The following NAALADL2 variants were observed in gnomAD, a reference collection of about 807,000 sequenced individuals.
The protein encoded by NAALADL2 is inactive N-acetylated-alpha-linked acidic dipeptidase-like protein 2.
A neutral mutation model predicts 87.2 loss-of-function variants in NAALADL2; 76 were observed. The observed-to-expected ratio is 0.87, with a 90% CI of 0.72 to 1.05. NAALADL2 has a LOEUF of 1.05. Among genes scored for constraint, NAALADL2 ranks in the 50% least tolerant of loss-of-function variants. The pLI is 0.00. For synonymous variants in NAALADL2, 354 were observed against 331.0 expected (o/e 1.07, Z -0.75); for missense variants, 1,089 against 945.8 (o/e 1.15, Z -1.99).
chr3:174,737,403 G>C (rs1391466045), intron 2 of NAALADL2, among the ~76,000 whole-genome samples: 1 of 152,230 alleles, frequency 6.6e-6, no homozygotes, highest in African/African-American at 2.4e-5. Context: ...AATCAAGGGA[G>C]AAAAGTATTT....
chr3:175,493,444 T>C (rs1456660667), intron 9 of NAALADL2, among the ~76,000 whole-genome samples: 1 of 152,072 alleles, frequency 6.6e-6, no homozygotes, highest in Admixed American at 6.6e-5. Flanking sequence ...AAAACATTCA[T>C]CTCTTACACA....
intron 11 of NAALADL2, among the ~76,000 whole-genome samples, chr3:175,661,360 T>A (rs1423816255): frequency 6.6e-6 from 1 of 152,022 alleles, no homozygotes; most frequent in East Asian, 1.9e-4. Context: ...AGACTTTTTT[T>A]TTTTCCTATT....
chr3:174,488,369 G>T (rs954036149), intron 1 of NAALADL2, among the ~76,000 whole-genome samples: 1 of 151,872 alleles, frequency 6.6e-6, no homozygotes, highest in African/African-American at 2.4e-5. Context: ...AATATGATAG[G>T]ATTAACCTCT....
intron 9 of NAALADL2, among the ~76,000 whole-genome samples, chr3:175,545,472 T>A (rs1159996571): frequency 1.3e-5 from 2 of 152,116 alleles, no homozygotes; most frequent in Non-Finnish European, 2.9e-5. Flanking sequence ...GTATTGTATT[T>A]TTTTTTTAGA....
rs895357201 is a variant in NAALADL2, at chr3:175,805,150, A to G, written c.*1947A>G. ...AACCAAAGGTTGATGTGTTCATTCC[A>G]GTTATTCACTTACAGATGAAACTAA... On this transcript the variant is annotated 3_prime_UTR_variant, in exon 14 of 14. Transcript: ENST00000454872. The G allele has an allele frequency of 6.6e-6, 1 of 151,962 alleles. No individual in the cohort carries two copies. The highest frequency in any genetic ancestry group is 1.5e-5 in the Non-Finnish European group (1 of 67,900). The allele number at this position is 151,962 out of a possible 1,614,324, so 9.4% of individuals were successfully genotyped here. A position where few individuals can be genotyped will look rare whatever the true frequency, so the allele number is the denominator to read the frequency against.
At chr3:175,503,858 A>G (rs909488909) in intron 9 of NAALADL2, among the ~76,000 whole-genome samples, 1 of 152,182 alleles carries the variant, frequency 6.6e-6, no homozygotes, top group Non-Finnish European at 1.5e-5. Flanking sequence ...GTTTGCAAAT[A>G]TTTTCTCCAA....
At chr3:175,637,009 T>C (rs184758460) in intron 11 of NAALADL2, among the ~76,000 whole-genome samples, 183 of 152,348 alleles carry the variant, frequency 1.2e-3, no homozygotes, top group Non-Finnish European at 1.9e-3. Context: ...ATGTTGAAAA[T>C]ATTTTGTTGA....
chr3:175,542,807 A>G (rs533378321), intron 9 of NAALADL2, among the ~76,000 whole-genome samples: 10 of 152,368 alleles, frequency 6.6e-5, no homozygotes, highest in Middle Eastern at 3.4e-3. Flanking sequence ...TAATTCTGAA[A>G]TATTTTGATA....
At chr3:175,196,364 G>T (rs984072375) in intron 2 of NAALADL2, among the ~76,000 whole-genome samples, 1 of 151,766 alleles carries the variant, frequency 6.6e-6, no homozygotes, top group Non-Finnish European at 1.5e-5. Context: ...TCCATATGGG[G>T]CACTTTCATC....
At chr3:175,229,565 G>A (rs1305962761) in intron 2 of NAALADL2, among the ~76,000 whole-genome samples, 1 of 151,954 alleles carries the variant, frequency 6.6e-6, no homozygotes, top group African/African-American at 2.4e-5. Flanking sequence ...CAAAGTGGCT[G>A]TGGTATCTGG....
At chr3:175,427,888 C>T (rs1717088977) in intron 5 of NAALADL2, among the ~76,000 whole-genome samples, 1 of 152,032 alleles carries the variant, frequency 6.6e-6, no homozygotes, top group South Asian at 2.1e-4. Flanking sequence ...TATTTAAATT[C>T]TTGTGGATTG....
chr3:174,599,502 A>G (rs1718239710), intron 2 of NAALADL2, among the ~76,000 whole-genome samples: 1 of 152,100 alleles, frequency 6.6e-6, no homozygotes, highest in African/African-American at 2.4e-5. Context: ...GTGTGTGTGC[A>G]CCAGTAAAAG....
intron 5 of NAALADL2, among the ~76,000 whole-genome samples, chr3:175,439,005 C>T (rs1719229772): frequency 6.6e-6 from 1 of 152,094 alleles, no homozygotes; most frequent in Non-Finnish European, 1.5e-5. Flanking sequence ...TCACCCCCTC[C>T]CATCCTTTCC....
intron 2 of NAALADL2, among the ~76,000 whole-genome samples, chr3:175,102,221 A>G (rs2862009): frequency 0.22 from 32,840 of 152,046 alleles, 4,877 homozygotes; most frequent in African/African-American, 0.42. Flanking sequence ...CATAAATCCA[A>G]TTGTGCCTAT....
At chr3:174,819,206 A>G (rs992417818) in intron 3 of NAALADL2, among the ~76,000 whole-genome samples, 3 of 150,750 alleles carry the variant, frequency 2.0e-5, no homozygotes, top group Non-Finnish European at 4.4e-5. Context: ...CTGGGACCAA[A>G]GGCACATGCC....
At chr3:174,808,690 G>A (rs1719791624) in intron 3 of NAALADL2, among the ~76,000 whole-genome samples, 1 of 152,062 alleles carries the variant, frequency 6.6e-6, no homozygotes, top group Admixed American at 6.6e-5. Context: ...AGAGAGAAAA[G>A]TGTCTTGGAT....
At chr3:174,483,124 C>A (rs1449219205) in intron 1 of NAALADL2, among the ~76,000 whole-genome samples, 1 of 151,860 alleles carries the variant, frequency 6.6e-6, no homozygotes, top group African/African-American at 2.4e-5. Flanking sequence ...TACCAGTTAC[C>A]CTGGTAACTA....
At chr3:174,562,554 C>T (rs1713756417) in intron 2 of NAALADL2, among the ~76,000 whole-genome samples, 1 of 152,004 alleles carries the variant, frequency 6.6e-6, no homozygotes, top group Non-Finnish European at 1.5e-5. Context: ...TATCTGTGTG[C>T]TTTAATTTTA....
intron 9 of NAALADL2, among the ~76,000 whole-genome samples, chr3:175,523,327 A>G (rs1732928811): frequency 1.3e-5 from 2 of 152,212 alleles, no homozygotes; most frequent in African/African-American, 4.8e-5. Flanking sequence ...GTCTTCCACA[A>G]CACAAATTAA....
Sources: allele counts gnomAD v4.1 joint callset (sites outside exome capture counted in the v4.1 genomes callset), GRCh38; gene constraint gnomAD v4.1.1; transcripts MANE v1.5; gene names NCBI Gene and HGNC (gene_info 2026-07-23, HGNC 2026-07-21).